Variants in HECW1 observed in about 807,000 individuals in gnomAD.
The protein encoded by HECW1 is HECT, C2 and WW domain containing E3 ubiquitin protein ligase 1.
Under a neutral mutation model 182.3 loss-of-function variants are expected in HECW1, and 61 were observed. The ratio of observed to expected loss-of-function variants is 0.33; its 90% CI spans 0.27 to 0.41. HECW1 has a LOEUF of 0.41. HECW1 is among the 10% of genes least tolerant of loss of function. The probability of loss-of-function intolerance (pLI) is 1.00; values close to 1 mark genes in which losing one functional copy is unlikely to be tolerated. For missense variants in HECW1, 1,739 were observed against 2,108.9 expected, an observed-to-expected ratio of 0.82 and a Z score of 3.44; for synonymous variants, 859 against 832.6, an observed-to-expected ratio of 1.03 and a Z score of -0.55.
At chr7:43,115,326 G>A (rs1784957034) in intron 2 of HECW1, among the ~76,000 whole-genome samples, 2 of 129,932 alleles carry the variant, frequency 1.5e-5, no homozygotes, top group South Asian at 4.8e-4. Flanking sequence ...GTCCACTATA[G>A]CAAAACATTT....
chr7:43,363,865 A>G (rs1310569641), intron 6 of HECW1, among the ~76,000 whole-genome samples: 1 of 152,216 alleles, frequency 6.6e-6, no homozygotes. Flanking sequence ...ATGGAGCAGA[A>G]CCACATTTCG....
At chr7:43,287,145 GT>G (rs1804751327) in intron 3 of HECW1, among the ~76,000 whole-genome samples, 1 of 152,186 alleles carries the variant, frequency 6.6e-6, no homozygotes, top group Non-Finnish European at 1.5e-5. Flanking sequence ...GTGTATGTTT[GT>G]TTTCAGTGGT....
chr7:43,125,801 A>C (rs867312475), intron 2 of HECW1, among the ~76,000 whole-genome samples: 67 of 151,008 alleles, frequency 4.4e-4, no homozygotes, highest in Middle Eastern at 7.1e-3. Flanking sequence ...TTAATACGAA[A>C]GTTGCCACTG....
intron 24 of HECW1, among the ~76,000 whole-genome samples, chr7:43,519,274 T>G (rs2080324321): frequency 6.6e-6 from 1 of 150,606 alleles, no homozygotes. Context: ...TTAGACAGAG[T>G]CTTGCTCTGT....
At chr7:43,172,137 T>A in intron 2 of HECW1, among the ~76,000 whole-genome samples, 2 of 144,776 alleles carry the variant, frequency 1.4e-5, no homozygotes, top group Non-Finnish European at 1.5e-5. Flanking sequence ...AAAAAAAAAA[T>A]TAGCCAGGCA....
At chr7:43,461,170 G>A (rs1246210538) in intron 13 of HECW1, among the ~76,000 whole-genome samples, 1 of 152,232 alleles carries the variant, frequency 6.6e-6, no homozygotes, top group East Asian at 1.9e-4. Context: ...CAGCTAGGCA[G>A]TTCTCTCCCA....
At chr7:43,531,727 A>G (rs2080999526) in intron 24 of HECW1, among the ~76,000 whole-genome samples, 1 of 152,188 alleles carries the variant, frequency 6.6e-6, no homozygotes, top group Non-Finnish European at 1.5e-5. Flanking sequence ...TCTCAGAGGC[A>G]TTTGACACAG....
chr7:43,369,499 C>G (rs1396953721), intron 6 of HECW1, among the ~76,000 whole-genome samples: 3 of 152,214 alleles, frequency 2.0e-5, no homozygotes, highest in South Asian at 2.1e-4. Flanking sequence ...ATTTGACAGT[C>G]TTGGTACTGT....
At chr7:43,467,144 C>T (rs573995403) in intron 15 of HECW1, among the ~76,000 whole-genome samples, 3 of 152,062 alleles carry the variant, frequency 2.0e-5, no homozygotes, top group Non-Finnish European at 2.9e-5. Flanking sequence ...GATCTAGGTG[C>T]TGGAGTCACA....
In HECW1 at chr7:43,456,459, G is replaced by A. The variant is rs936163601; in HGVS notation, c.2651+12G>A. On this transcript the variant is annotated intron_variant, in intron 13 of 29. Transcript: ENST00000395891. The stretch of plus-strand genomic sequence containing the variant: ...CAACTCAACAGGCGGTTGGTGATCA[G>A]TATGCAATGAGCTCCCCTAAACCAC... 3.1e-6 allele frequency: 5 copies of A among 1,611,160 alleles called. No homozygotes were observed. The highest frequency in any genetic ancestry group is 1.7e-4 in the Middle Eastern group (1 of 6,046).
intron 3 of HECW1, among the ~76,000 whole-genome samples, chr7:43,299,151 T>G (rs1806415133): frequency 6.6e-6 from 1 of 152,236 alleles, no homozygotes; most frequent in Non-Finnish European, 1.5e-5. Context: ...CTTAGTGAGA[T>G]GATAATCATC....
At chr7:43,448,153 G>A (rs572816634) in intron 11 of HECW1, among the ~76,000 whole-genome samples, 26 of 150,432 alleles carry the variant, frequency 1.7e-4, no homozygotes, top group South Asian at 8.4e-4. Context: ...AAGAGAGAGA[G>A]AAAAAAAAAC....
chr7:43,554,768 G>A lies in HECW1; in HGVS notation c.4687G>A (p.Gly1563Arg), dbSNP rs1201900212. ...TCGGCGCTTCTGCATAGAGAAATGG[G>A]GGAAAATTACTTCTCTCCCCAGGTA... is the stretch of plus-strand genomic sequence containing the variant. Reference protein sequence around the residue: ...GLRRFCIEKWGKITSLPRAHT... With the variant: ...GLRRFCIEKWRKITSLPRAHT... Residue 1563 changes from glycine (G) to arginine (R), a missense_variant, in exon 29 of 30, where the codon GGG becomes AGG. Gly to Arg is a moderately radical substitution (Grantham distance 125). Transcript: ENST00000395891. 6.2e-7 allele frequency: 1 copy of A among 1,613,814 alleles called. No individual in the cohort carries two copies. Among genetic ancestry groups the A allele is most frequent in the Admixed American group, 1.7e-5 (1 of 59,964 alleles).
At chr7:43,403,232 A>G (rs2075487650) in intron 7 of HECW1, among the ~76,000 whole-genome samples, 1 of 152,228 alleles carries the variant, frequency 6.6e-6, no homozygotes, top group South Asian at 2.1e-4. Context: ...TACCCAGGGA[A>G]AATGAGTAAA....
At chr7:43,180,886 C>T (rs1284633167) in intron 2 of HECW1, among the ~76,000 whole-genome samples, 1 of 152,066 alleles carries the variant, frequency 6.6e-6, no homozygotes, top group Admixed American at 6.6e-5. Flanking sequence ...TTGAAATATG[C>T]AATACATTAT....
In HECW1 at chr7:43,297,243, TAC is replaced by T. The variant is rs149608230; in HGVS notation, c.28-14518_28-14517del. Reference sequence around the variant, plus strand: ...GTTTGTTCAATTGAACTGAATTAGATACAGTCAGAGCAAGGGCACATTTCAGT... The same window carrying T: ...GTTTGTTCAATTGAACTGAATTAGATAGTCAGAGCAAGGGCACATTTCAGT... On this transcript the variant is annotated intron_variant, in intron 3 of 29. Transcript: ENST00000395891. Among the ~76,000 whole-genome samples, 1,005 of 152,342 alleles carry T rather than the reference TAC, an allele frequency of 6.6e-3. 6 individuals carry two copies. The highest frequency in any genetic ancestry group is 0.022 in the African/African-American group (918 of 41,590).
chr7:43,469,401 AT>A (rs940559564), intron 16 of HECW1, among the ~76,000 whole-genome samples: 4 of 151,938 alleles, frequency 2.6e-5, no homozygotes, highest in Non-Finnish European at 5.9e-5. Flanking sequence ...CACTGTCTAC[AT>A]TTTTTTTAAA....
intron 2 of HECW1, among the ~76,000 whole-genome samples, chr7:43,184,965 C>T (rs1583865305): frequency 1.3e-5 from 2 of 152,122 alleles, no homozygotes; most frequent in South Asian, 4.2e-4. Flanking sequence ...CTATACAGTA[C>T]CAAGGGAGCA....
At chr7:43,340,617 G>A (rs916965616) in intron 5 of HECW1, among the ~76,000 whole-genome samples, 5 of 151,726 alleles carry the variant, frequency 3.3e-5, no homozygotes, top group South Asian at 4.1e-4. Flanking sequence ...AAAACAAAAT[G>A]CATTTTTTGA....
Sources: allele counts gnomAD v4.1 joint callset (sites outside exome capture counted in the v4.1 genomes callset), GRCh38; gene constraint gnomAD v4.1.1; transcripts MANE v1.5; gene names NCBI Gene and HGNC (gene_info 2026-07-23, HGNC 2026-07-21).